DMD: variants seen among roughly 807,000 people sequenced by gnomAD.
DMD encodes dystrophin.
In DMD, 63 loss-of-function variants were observed where a neutral mutation model predicts 330.1. That is an observed-to-expected ratio of 0.19 (90% CI 0.16 to 0.24). The LOEUF is 0.24. DMD is among the 10% of genes least tolerant of loss of function. The pLI, the probability that DMD is intolerant of heterozygous loss-of-function variation, is 1.00. For synonymous variants in DMD, 1,223 were observed against 959.8 expected, an observed-to-expected ratio of 1.27 and a Z score of -5.07; for missense variants, 3,344 against 2,684.1, an observed-to-expected ratio of 1.25 and a Z score of -5.43.
chrX:32,176,676 T>A (rs1277673774), intron 44 of DMD, among the ~76,000 whole-genome samples: 1 of 111,045 alleles, frequency 9.0e-6, no homozygotes, highest in Non-Finnish European at 1.9e-5. Context: ...CAAATGCTTG[T>A]CACAAGTGAC....
At chrX:31,192,267 A>G (rs897119696) in intron 67 of DMD, among the ~76,000 whole-genome samples, 5 of 112,362 alleles carry the variant, frequency 4.4e-5, no homozygotes, top group Non-Finnish European at 9.4e-5. Context: ...AAAACTATAC[A>G]AAACCTGCAT....
At chrX:32,491,245 A>G (rs915638192) in intron 20 of DMD, 32 bp downstream of exon 20, 13 of 1,206,605 alleles carry the variant, frequency 1.1e-5, no homozygotes, top group Non-Finnish European at 1.5e-5. Flanking sequence ...CCTATTGATT[A>G]TGCTCCAAAT....
intron 55 of DMD, among the ~76,000 whole-genome samples, chrX:31,624,688 C>G (rs1305698965): frequency 5.4e-5 from 6 of 110,930 alleles, no homozygotes; most frequent in Admixed American, 2.9e-4. Flanking sequence ...TTTGGCTAGG[C>G]ATTTCAAATT....
At chrX:31,155,713 C>T (rs1476107080) in intron 74 of DMD, among the ~76,000 whole-genome samples, 2 of 111,523 alleles carry the variant, frequency 1.8e-5, no homozygotes, top group African/African-American at 3.3e-5. Context: ...AGTGCAATGG[C>T]TCACACCTGT....
intron 41 of DMD, among the ~76,000 whole-genome samples, chrX:32,336,754 G>T (rs1428609020): frequency 1.8e-5 from 2 of 112,291 alleles, no homozygotes; most frequent in Non-Finnish European, 3.8e-5. Context: ...ATAAGTTATA[G>T]CACCTATGCA....
chrX:32,312,090 G>T (rs1275006106), intron 41 of DMD, among the ~76,000 whole-genome samples: 1 of 111,248 alleles, frequency 9.0e-6, no homozygotes, highest in Non-Finnish European at 1.9e-5. Context: ...TAAGTTTTTG[G>T]AAAACAAAGG....
chrX:32,439,460 T>C (rs2098273283), intron 28 of DMD, among the ~76,000 whole-genome samples: 1 of 111,883 alleles, frequency 8.9e-6, no homozygotes, highest in African/African-American at 3.2e-5. Context: ...TTATTACTTC[T>C]AACAAATCTT....
chrX:32,981,035 G>A (rs1479486519), intron 2 of DMD, among the ~76,000 whole-genome samples: 2 of 111,554 alleles, frequency 1.8e-5, no homozygotes, highest in Non-Finnish European at 3.8e-5. Context: ...AATCAGGGTA[G>A]ATGGTTCATT....
At chrX:32,165,637 C>G (rs762188919) in intron 44 of DMD, among the ~76,000 whole-genome samples, 2 of 111,975 alleles carry the variant, frequency 1.8e-5, no homozygotes, top group Admixed American at 1.9e-4. Context: ...CTTTGGAGTA[C>G]TGTTGTCAAG....
At chrX:31,499,004 T>C (rs768075171) in intron 56 of DMD, among the ~76,000 whole-genome samples, 1 of 111,761 alleles carries the variant, frequency 8.9e-6, no homozygotes, top group East Asian at 2.8e-4. Flanking sequence ...TAATGTGTAA[T>C]GGTTAAACGA....
chrX:31,451,996 C>T (rs749474472), intron 59 of DMD, among the ~76,000 whole-genome samples: 15 of 109,765 alleles, frequency 1.4e-4, no homozygotes, highest in Admixed American at 3.9e-4. Flanking sequence ...TCACTTTTGA[C>T]GAGTAAACTG....
chrX:32,763,064 TG>T (rs2072525064), intron 7 of DMD, among the ~76,000 whole-genome samples: 2 of 109,574 alleles, frequency 1.8e-5, no homozygotes, highest in East Asian at 2.8e-4. Flanking sequence ...GTCATTTATA[TG>T]ATATGTCAGG....
intron 16 of DMD, among the ~76,000 whole-genome samples, chrX:32,559,734 G>A (rs900525616): frequency 2.2e-4 from 25 of 111,692 alleles, no homozygotes; most frequent in African/African-American, 7.5e-4. Flanking sequence ...TTTGCATTTT[G>A]GGTATAATAA....
At chrX:32,846,720 AT>A (rs1211451911) in intron 3 of DMD, among the ~76,000 whole-genome samples, 3 of 61,632 alleles carry the variant, frequency 4.9e-5, no homozygotes, top group East Asian at 6.0e-4. Flanking sequence ...AAGACTTTAG[AT>A]TTAAAAAAAA....
At chrX:32,333,000 T>C (rs1192392018) in intron 41 of DMD, among the ~76,000 whole-genome samples, 1 of 111,265 alleles carries the variant, frequency 9.0e-6, no homozygotes, top group Non-Finnish European at 1.9e-5. Flanking sequence ...CACTGAGGCA[T>C]TTCAGCATTA....
chrX:31,852,073 A>G (rs1251542651), intron 48 of DMD, among the ~76,000 whole-genome samples: 1 of 110,885 alleles, frequency 9.0e-6, no homozygotes, highest in Admixed American at 9.6e-5. Context: ...TGATAGTCAT[A>G]GAGTTGGGGA....
chrX:32,561,342 C>T (rs761337048), intron 16 of DMD, among the ~76,000 whole-genome samples: 10 of 111,178 alleles, frequency 9.0e-5, no homozygotes, highest in Admixed American at 6.7e-4. Flanking sequence ...AAACGCAATA[C>T]GACAACTCCA....
At chrX:32,237,355 G>A (rs901775831) in intron 43 of DMD, among the ~76,000 whole-genome samples, 1 of 110,610 alleles carries the variant, frequency 9.0e-6, no homozygotes, top group African/African-American at 3.3e-5. Flanking sequence ...GAATACATTA[G>A]ATTTTTTTTT....
rs763723147 is a variant in DMD at position 33,219,331 on chromosome X, T to C, written c.7+119928A>G. 7.7e-5 allele frequency among the ~76,000 whole-genome samples: 8 copies of C among 104,560 alleles called. No individual in the cohort carries two copies. In the East Asian group the frequency reaches 2.4e-3, roughly 31 times the overall value. 90.8% of individuals were successfully genotyped at this position (104,560 alleles called of 115,157 possible). On this transcript the variant is annotated intron_variant, in intron 1 of 17. Transcript: ENST00000288447. ...TTGTGTGTGTGTGTGTGTGTGTGTG[T>C]GTGTGTGTGTGTGTGTGTGTGTGTT...
Sources: gnomAD v4.1 joint callset for allele counts (sites outside exome capture counted in the v4.1 genomes callset) on GRCh38, gnomAD v4.1.1 for gene constraint, MANE v1.5 for transcripts, NCBI Gene and HGNC (gene_info 2026-07-23, HGNC 2026-07-21) for gene names.